The following SPATA22 variants were observed in gnomAD, a reference collection of about 807,000 sequenced individuals.
SPATA22 encodes spermatogenesis-associated protein 22.
Under a neutral mutation model 47.8 loss-of-function variants are expected in SPATA22, and 29 were observed. That is an observed-to-expected ratio of 0.61 (90% CI 0.45 to 0.83). SPATA22 has a LOEUF of 0.83. Among genes scored for constraint, SPATA22 ranks in the 40% least tolerant of loss-of-function variants. The pLI is 0.00. For missense variants in SPATA22, 410 were observed against 421.7 expected, an observed-to-expected ratio of 0.97 and a Z score of 0.24; for synonymous variants, 133 against 140.9, an observed-to-expected ratio of 0.94 and a Z score of 0.40.
intron 7 of SPATA22, 76 bp downstream of exon 7, chr17:3,446,396 G>A (rs1056854668): frequency 7.0e-7 from 1 of 1,433,490 alleles, no homozygotes; most frequent in African/African-American, 1.5e-5. Flanking sequence ...TTATTTGGAA[G>A]AAAAAGGACT....
At chr17:3,444,475 A>G (rs541606658) in intron 7 of SPATA22, among the ~76,000 whole-genome samples, 33 of 152,238 alleles carry the variant, frequency 2.2e-4, no homozygotes, top group Non-Finnish European at 4.4e-4. Context: ...ACGGTGTGGT[A>G]TAAGAATGTA....
rs557863138 is a variant in SPATA22, at chr17:3,486,036, A to C, written c.-73-16638T>G. On this transcript the variant is annotated intron_variant, in intron 1 of 8. Coordinates refer to the SPATA22 transcript ENST00000541913. Reference sequence around the variant, plus strand: ...CAACCTCCGCCTCCTGGGTTTAAGCAATTCTCCTGCCTCAGCCTCCTGAGT... The same window carrying C: ...CAACCTCCGCCTCCTGGGTTTAAGCCATTCTCCTGCCTCAGCCTCCTGAGT... 1.7e-3 allele frequency among the ~76,000 whole-genome samples: 251 copies of C among 151,424 alleles called. 1 individual carries two copies. Among genetic ancestry groups the C allele is most frequent in the Non-Finnish European group, 3.1e-3 (212 of 67,844 alleles).
At chr17:3,460,814 A>AAAAAAAAAG (rs1555535972) in intron 5 of SPATA22, among the ~76,000 whole-genome samples, 2 of 140,106 alleles carry the variant, frequency 1.4e-5, no homozygotes. Context: ...AAAAAAAAAA[A>AAAAAAAAAG]GATTAAAAAT....
chr17:3,465,876 G>A (rs1429178695), intron 3 of SPATA22, among the ~76,000 whole-genome samples: 3 of 151,894 alleles, frequency 2.0e-5, no homozygotes, highest in Non-Finnish European at 4.4e-5. Flanking sequence ...AGTAACCCTG[G>A]TCCGAGCTTG....
At chr17:3,494,283 C>A in intron 1 of SPATA22, 2 of 1,233,612 alleles carry the variant, frequency 1.6e-6, no homozygotes, top group Non-Finnish European at 2.4e-6. Context: ...GGATGACAGG[C>A]ATGAGCCACC....
intron 6 of SPATA22, 131 bp downstream of exon 6, chr17:3,448,676 A>G: frequency 1.5e-6 from 1 of 667,664 alleles, no homozygotes; most frequent in Non-Finnish European, 2.4e-6. Context: ...ATGGAACTGA[A>G]TATTTATGCT....
intron 1 of SPATA22, among the ~76,000 whole-genome samples, chr17:3,493,478 T>C (rs928641401): frequency 2.0e-5 from 3 of 147,232 alleles, no homozygotes; most frequent in African/African-American, 7.6e-5. Flanking sequence ...GGAGAATCGC[T>C]TGAACCCGGG....
At chr17:3,443,953 C>A (rs1375442145) in intron 7 of SPATA22, among the ~76,000 whole-genome samples, 3 of 151,878 alleles carry the variant, frequency 2.0e-5, no homozygotes, top group Non-Finnish European at 4.4e-5. Context: ...TATAGACCTC[C>A]TCTGTGCATT....
intron 5 of SPATA22, among the ~76,000 whole-genome samples, chr17:3,449,852 A>AT (rs927595752): frequency 4.9e-4 from 72 of 147,496 alleles, no homozygotes; most frequent in Admixed American, 5.4e-4. Flanking sequence ...TAAGTCACGA[A>AT]TTTTTTTTTT....
chr17:3,513,853 AG>A, upstream of SPATA22: 10 of 1,398,910 alleles, frequency 7.1e-6, no homozygotes, highest in African/African-American at 1.4e-5. Flanking sequence ...CTCTCTGCAC[AG>A]AGTCGGTGAC....
Position 3,469,300 on chromosome 17 carries a change from G to A in SPATA22, c.26C>T (p.Ser9Leu). ...TTCAATACCTGCTGTACTTCGAGCT[G>A]AATTTTCATTTAGGCTTCGCTTCAT... MKRSLNEN[S>L]ARSTAGCLPV... Residue 9 changes from serine to leucine, a missense_variant, in exon 2 of 9, where the codon TCA becomes TTA. Coordinates refer to ENST00000572969, the MANE Select transcript of SPATA22 (RefSeq NM_001170698.2). 6.4e-7 allele frequency: 1 copy of A among 1,562,156 alleles called. No individual in the cohort carries two copies. The highest frequency in any genetic ancestry group is 8.7e-7 in the Non-Finnish European group (1 of 1,146,016).
At chr17:3,504,265 C>CT (rs1348913778) in intron 1 of SPATA22, among the ~76,000 whole-genome samples, 1 of 152,194 alleles carries the variant, frequency 6.6e-6, no homozygotes, top group East Asian at 1.9e-4. Flanking sequence ...TCAGCAGTGT[C>CT]TTTTTCGATG....
intron 1 of SPATA22, among the ~76,000 whole-genome samples, chr17:3,481,120 C>T (rs1438622985): frequency 6.6e-6 from 1 of 152,048 alleles, no homozygotes; most frequent in Non-Finnish European, 1.5e-5. Flanking sequence ...AGAATCCTGT[C>T]TCAAAAAATT....
upstream of SPATA22, chr17:3,476,217 A>C: frequency 6.2e-7 from 1 of 1,614,094 alleles, no homozygotes; most frequent in Non-Finnish European, 8.5e-7. Context: ...CTTTGGAGGA[A>C]CCCATGGGAA....
chr17:3,508,540 C>A (rs1450447470), intron 1 of SPATA22, among the ~76,000 whole-genome samples: 1 of 144,120 alleles, frequency 6.9e-6, no homozygotes, highest in Non-Finnish European at 1.5e-5. Flanking sequence ...GAAAATGTGG[C>A]ACATATACAC....
At chr17:3,502,997 A>T (rs576378993) in intron 1 of SPATA22, 1 of 152,334 alleles carries the variant, frequency 6.6e-6, no homozygotes, top group Non-Finnish European at 1.5e-5. Flanking sequence ...CTAAATGCCC[A>T]AACCCCTTGC....
At chr17:3,503,362 T>TAA (rs2074012128) in intron 1 of SPATA22, 1 of 152,226 alleles carries the variant, frequency 6.6e-6, no homozygotes, top group Admixed American at 6.5e-5. Flanking sequence ...TTTTTGTACT[T>TAA]TACCAAAATT....
chr17:3,509,037 C>G (rs1381994186), intron 1 of SPATA22, among the ~76,000 whole-genome samples: 1 of 151,792 alleles, frequency 6.6e-6, no homozygotes, highest in Non-Finnish European at 1.5e-5. Context: ...AACATCAGCT[C>G]TTTCCTATCT....
chr17:3,462,090 C>T (rs1232738391), intron 5 of SPATA22, among the ~76,000 whole-genome samples: 1 of 152,138 alleles, frequency 6.6e-6, no homozygotes, highest in East Asian at 1.9e-4. Context: ...GGCTGTCTTA[C>T]AGGATAAGAC....
Sources: allele counts gnomAD v4.1 joint callset (sites outside exome capture counted in the v4.1 genomes callset), GRCh38; gene constraint gnomAD v4.1.1; transcripts MANE v1.5; gene names NCBI Gene and HGNC (gene_info 2026-07-23, HGNC 2026-07-21).